The following SLC1A3 variants were observed in gnomAD, a reference collection of about 807,000 sequenced individuals.
SLC1A3 encodes the protein solute carrier family 1 member 3.
A neutral mutation model predicts 48.1 loss-of-function variants in SLC1A3; 21 were observed. That is an observed-to-expected ratio of 0.44 (90% confidence interval 0.31 to 0.63). The LOEUF (loss-of-function observed/expected upper bound fraction) is 0.63, where lower values mean the gene tolerates loss of function less well. Among genes scored for constraint, SLC1A3 ranks in the 20% least tolerant of loss-of-function variants. The probability of loss-of-function intolerance (pLI) is 0.08; values close to 1 mark genes in which losing one functional copy is unlikely to be tolerated. For synonymous variants in SLC1A3, 239 were observed against 251.4 expected, an observed-to-expected ratio of 0.95 and a Z score of 0.47; for missense variants, 546 against 689.0, an observed-to-expected ratio of 0.79 and a Z score of 2.32.
At chr5:36,659,731 T>A (rs1241471163) in intron 3 of SLC1A3, among the ~76,000 whole-genome samples, 1 of 152,234 alleles carries the variant, frequency 6.6e-6, no homozygotes, top group Non-Finnish European at 1.5e-5. Context: ...TTCACAATAT[T>A]TTTTTAAGTC....
In SLC1A3 at chr5:36,608,546, TAA is replaced by T; in HGVS notation, c.126_127del (p.Ser43LeufsTer70). 1.2e-6 allele frequency: 2 copies of T among 1,614,086 alleles called. No individual in the cohort carries two copies. The highest frequency in any genetic ancestry group is 1.7e-6 in the Non-Finnish European group (2 of 1,179,924). ...TGCAGAACATTACAAAGGAGGATGT[TAA>T]AAGTTACCTGTTTCGGAATGCTTTT... is the stretch of plus-strand genomic sequence containing the variant. ...KVQNITKEDVKSYLFRNAFVL... is the reference protein window; with the variant it reads ...KVQNITKEDVXSYLFRNAFVL... On this transcript the variant is annotated frameshift_variant, in exon 2 of 10. Transcript: ENST00000265113. LOFTEE classifies it high-confidence loss of function.
intron 3 of SLC1A3, chr5:36,668,236 T>A (rs1038960816): frequency 2.6e-5 from 4 of 152,286 alleles, no homozygotes; most frequent in African/African-American, 9.6e-5. Context: ...TCTCTCATAT[T>A]TCTTGAGGTT....
intron 3 of SLC1A3, chr5:36,638,678 T>A (rs1166467153): frequency 6.6e-6 from 1 of 152,462 alleles, no homozygotes; most frequent in Non-Finnish European, 1.5e-5. Context: ...TTTTGTTTGT[T>A]TGTTTTTGAG....
At chr5:36,615,378 GTTTTA>G (rs1739387609) in intron 2 of SLC1A3, among the ~76,000 whole-genome samples, 1 of 152,126 alleles carries the variant, frequency 6.6e-6, no homozygotes, top group Non-Finnish European at 1.5e-5. Flanking sequence ...GTTTTGCTTT[GTTTTA>G]TTTTGTTTTG....
At chr5:36,676,654 G>C (rs2111955818) in intron 5 of SLC1A3, among the ~76,000 whole-genome samples, 1 of 152,142 alleles carries the variant, frequency 6.6e-6, no homozygotes, top group South Asian at 2.1e-4. Context: ...GTGTATGTGT[G>C]TGTGTGTGTG....
intron 1 of SLC1A3, among the ~76,000 whole-genome samples, chr5:36,598,072 T>C (rs1360074404): frequency 1.3e-5 from 2 of 152,194 alleles, no homozygotes; most frequent in South Asian, 2.1e-4. Context: ...TGTAGAATTC[T>C]GAGAGTAGTA....
intron 9 of SLC1A3, 40 bp downstream of exon 9, chr5:36,684,038 G>T (rs1352818290): frequency 9.9e-6 from 16 of 1,613,466 alleles, no homozygotes; most frequent in African/African-American, 5.3e-5. Flanking sequence ...ACTGTCACAG[G>T]GTCCCCCTCT....
chr5:36,656,974 T>G (rs1741310257), intron 3 of SLC1A3, among the ~76,000 whole-genome samples: 1 of 152,216 alleles, frequency 6.6e-6, no homozygotes. Flanking sequence ...CAACCAGAAA[T>G]TTTTGCTAAT....
At chr5:36,675,173 C>A (rs1302469690) in intron 5 of SLC1A3, among the ~76,000 whole-genome samples, 1 of 151,622 alleles carries the variant, frequency 6.6e-6, no homozygotes, top group Admixed American at 6.6e-5. Flanking sequence ...TGTTTTTTTT[C>A]CCCTTGTAAT....
chr5:36,609,880 T>C (rs2111663416), intron 2 of SLC1A3, among the ~76,000 whole-genome samples: 1 of 152,338 alleles, frequency 6.6e-6, no homozygotes, highest in South Asian at 2.1e-4. Context: ...TACAGTCTGC[T>C]TGCCTCATTT....
chr5:36,637,334 C>CA (rs1740434954), intron 3 of SLC1A3, among the ~76,000 whole-genome samples: 1 of 152,058 alleles, frequency 6.6e-6, no homozygotes, highest in African/African-American at 2.4e-5. Context: ...ATTTTTGTGG[C>CA]AAAAATGGAA....
chr5:36,639,381 T>C (rs904433544), intron 3 of SLC1A3, among the ~76,000 whole-genome samples: 4 of 152,236 alleles, frequency 2.6e-5, no homozygotes, highest in African/African-American at 4.8e-5. Context: ...TACACACAAA[T>C]ATACCATTGT....
At chr5:36,622,868 C>T (rs1230119093) in intron 2 of SLC1A3, among the ~76,000 whole-genome samples, 1 of 151,610 alleles carries the variant, frequency 6.6e-6, no homozygotes, top group African/African-American at 2.4e-5. Flanking sequence ...AAAAATTAGC[C>T]GGGTGTGGTG....
chr5:36,603,393 C>T (rs756247789), upstream of SLC1A3, among the ~76,000 whole-genome samples: 6 of 152,334 alleles, frequency 3.9e-5, no homozygotes, highest in South Asian at 8.3e-4. Flanking sequence ...TTAATAATTA[C>T]GATGCGTTTA....
At chr5:36,670,372 C>A (rs187415109) in intron 3 of SLC1A3, among the ~76,000 whole-genome samples, 1 of 152,150 alleles carries the variant, frequency 6.6e-6, no homozygotes, top group Admixed American at 6.5e-5. Flanking sequence ...TTTAAAAATT[C>A]TTTGATTGGA....
At chr5:36,661,626 G>C (rs1054768268) in intron 3 of SLC1A3, among the ~76,000 whole-genome samples, 2 of 152,224 alleles carry the variant, frequency 1.3e-5, no homozygotes, top group African/African-American at 2.4e-5. Context: ...TTGGCCATAA[G>C]AATCTGCTGC....
intron 1 of SLC1A3, among the ~76,000 whole-genome samples, chr5:36,597,367 C>T (rs1167499939): frequency 1.3e-5 from 2 of 150,690 alleles, no homozygotes; most frequent in African/African-American, 4.9e-5. Flanking sequence ...CTGCCTCAGC[C>T]TCCCCAGCAG....
chr5:36,604,584 C>T (rs1738848337), upstream of SLC1A3, among the ~76,000 whole-genome samples: 1 of 152,166 alleles, frequency 6.6e-6, no homozygotes, highest in South Asian at 2.1e-4. Context: ...GCCAACAAAA[C>T]TTTCAGTGGT....
chr5:36,598,871 G>T (rs566664716), intron 1 of SLC1A3, among the ~76,000 whole-genome samples: 3 of 152,242 alleles, frequency 2.0e-5, no homozygotes, highest in East Asian at 1.9e-4. Context: ...CAAGCAGTCC[G>T]CCAACCTTGG....
Sources: allele counts gnomAD v4.1 joint callset (sites outside exome capture counted in the v4.1 genomes callset), GRCh38; gene constraint gnomAD v4.1.1; transcripts MANE v1.5; gene names NCBI Gene and HGNC (gene_info 2026-07-23, HGNC 2026-07-21).